EDIL3: variants seen among roughly 807,000 people sequenced by gnomAD.
The protein encoded by EDIL3 is EGF like and discoidin domains 3.
EDIL3 carries 37 observed loss-of-function variants against 67.4 expected under a neutral mutation model. The observed-to-expected ratio is 0.55, with a 90% confidence interval of 0.42 to 0.72. EDIL3 has a LOEUF of 0.72. Among genes scored for constraint, EDIL3 ranks in the 30% least tolerant of loss-of-function variants. The pLI, the probability that EDIL3 is intolerant of heterozygous loss-of-function variation, is 0.00. For missense variants in EDIL3, 527 were observed against 586.3 expected (o/e 0.90, Z 1.04); for synonymous variants, 195 against 196.3 (o/e 0.99, Z 0.05).
chr5:84,069,222 T>C (rs1746693105), intron 6 of EDIL3, among the ~76,000 whole-genome samples: 1 of 152,158 alleles, frequency 6.6e-6, no homozygotes, highest in Non-Finnish European at 1.5e-5. Context: ...TGTGTATCCT[T>C]AAAAAGCAGA....
At chr5:84,132,549 T>G (rs1392588628) in intron 5 of EDIL3, among the ~76,000 whole-genome samples, 1 of 110,326 alleles carries the variant, frequency 9.1e-6, no homozygotes, top group African/African-American at 3.5e-5. Context: ...ATATATAATA[T>G]ATATTTTATA....
intron 2 of EDIL3, among the ~76,000 whole-genome samples, chr5:84,237,710 G>C (rs1413409867): frequency 6.6e-6 from 1 of 152,030 alleles, no homozygotes; most frequent in Non-Finnish European, 1.5e-5. Flanking sequence ...TTTGCTTTTT[G>C]TAAGAAAGAT....
chr5:84,230,763 A>ATGTG (rs59552122), intron 2 of EDIL3, among the ~76,000 whole-genome samples: 3,453 of 137,200 alleles, frequency 0.025, 98 homozygotes, highest in African/African-American at 0.062. Flanking sequence ...CCACTACGTG[A>ATGTG]TGTGTGTGTG....
chr5:84,296,953 C>T (rs777248071), intron 1 of EDIL3, among the ~76,000 whole-genome samples: 10 of 152,034 alleles, frequency 6.6e-5, no homozygotes, highest in Admixed American at 2.0e-4. Flanking sequence ...GAGGCTGAGA[C>T]GGGCGGATCA....
chr5:84,205,494 G>C (rs1236056672), intron 3 of EDIL3, among the ~76,000 whole-genome samples: 1 of 152,174 alleles, frequency 6.6e-6, no homozygotes, highest in East Asian at 1.9e-4. Context: ...TAAGTGAGCT[G>C]TGTCCACTTG....
chr5:84,249,385 AT>A (rs1744975943), intron 2 of EDIL3, among the ~76,000 whole-genome samples: 1 of 91,194 alleles, frequency 1.1e-5, no homozygotes, highest in African/African-American at 4.3e-5. Context: ...CTTTCTATCT[AT>A]CTATCTATCT....
rs115912397 is a variant in EDIL3 at position 84,191,384 on chromosome 5, A to G, written c.227-10863T>C. On this transcript the variant is annotated intron_variant, in intron 3 of 10. Coordinates refer to ENST00000296591, the MANE Select transcript of EDIL3 (RefSeq NM_005711.5). ...TTCCTGCAGGAGATGTTCCTGCTGC[A>G]CTCATATGGGAATGGCACCTACCTA... Among the ~76,000 whole-genome samples, 1,308 of 152,086 alleles carry G rather than the reference A, an allele frequency of 8.6e-3. 22 individuals are homozygous for G. The highest frequency in any genetic ancestry group is 0.03 in the African/African-American group (1,237 of 41,518).
chr5:84,187,497 G>T (rs1001746750), intron 3 of EDIL3, among the ~76,000 whole-genome samples: 1 of 151,972 alleles, frequency 6.6e-6, no homozygotes, highest in African/African-American at 2.4e-5. Flanking sequence ...CCAAAACATT[G>T]CCAGTTAGAT....
chr5:84,184,115 C>A (rs1280531670), intron 3 of EDIL3, among the ~76,000 whole-genome samples: 2 of 152,034 alleles, frequency 1.3e-5, no homozygotes, highest in African/African-American at 2.4e-5. Flanking sequence ...TCAGAAACAA[C>A]AACAACAAAA....
chr5:84,253,978 C>T, intron 2 of EDIL3, 106 bp downstream of exon 2: 1 of 1,191,796 alleles, frequency 8.4e-7, no homozygotes. Context: ...TAATTAGCAA[C>T]ATATAGCAAT....
intron 9 of EDIL3, among the ~76,000 whole-genome samples, chr5:84,025,414 C>T (rs1476847618): frequency 6.6e-6 from 1 of 152,152 alleles, no homozygotes; most frequent in African/African-American, 2.4e-5. Context: ...CCCATCACCC[C>T]CAGATAAAAC....
At chr5:84,262,761 TC>T (rs559059602) in intron 1 of EDIL3, among the ~76,000 whole-genome samples, 256 of 134,194 alleles carry the variant, frequency 1.9e-3, no homozygotes, top group African/African-American at 6.7e-3. Flanking sequence ...AACCTCCGCC[TC>T]CCAGGTCAGG....
chr5:84,020,218 T>C (rs1156481988), intron 9 of EDIL3, among the ~76,000 whole-genome samples: 1 of 152,066 alleles, frequency 6.6e-6, no homozygotes, highest in African/African-American at 2.4e-5. Flanking sequence ...AAATTCTCCC[T>C]TCATCTGAGT....
chr5:84,064,880 A>C, intron 7 of EDIL3, 36 bp from the exon 8 acceptor site: 1 of 1,581,962 alleles, frequency 6.3e-7, no homozygotes, highest in Non-Finnish European at 8.6e-7. Flanking sequence ...TCACTGCAAC[A>C]GCTTATTTAC....
chr5:83,974,121 C>T (rs1028498017), intron 9 of EDIL3, among the ~76,000 whole-genome samples: 1 of 151,776 alleles, frequency 6.6e-6, no homozygotes, highest in Non-Finnish European at 1.5e-5. Flanking sequence ...AGCCTGAATT[C>T]TAGATTTTTT....
At chr5:84,356,202 C>T (rs1170484360) in intron 1 of EDIL3, among the ~76,000 whole-genome samples, 1 of 152,162 alleles carries the variant, frequency 6.6e-6, no homozygotes. Context: ...AATTGTGATT[C>T]AGTTCACCAC....
chr5:84,227,774 C>A (rs1744483950), intron 3 of EDIL3, among the ~76,000 whole-genome samples: 1 of 152,014 alleles, frequency 6.6e-6, no homozygotes, highest in South Asian at 2.1e-4. Flanking sequence ...TGCCTCTTAG[C>A]AACATGGATG....
intron 1 of EDIL3, among the ~76,000 whole-genome samples, chr5:84,354,673 C>T (rs1408710740): frequency 6.8e-6 from 1 of 147,236 alleles, no homozygotes; most frequent in Non-Finnish European, 1.5e-5. Context: ...AAAAAAAGCA[C>T]TAAAAAATAA....
chr5:84,080,256 G>A (rs1163827978), intron 6 of EDIL3, among the ~76,000 whole-genome samples: 2 of 128,084 alleles, frequency 1.6e-5, no homozygotes, highest in Non-Finnish European at 3.1e-5. Flanking sequence ...AGATCGCGCT[G>A]CCACTACACT....
Sources: allele counts gnomAD v4.1 joint callset (sites outside exome capture counted in the v4.1 genomes callset), GRCh38; gene constraint gnomAD v4.1.1; transcripts MANE v1.5; gene names NCBI Gene and HGNC (gene_info 2026-07-23, HGNC 2026-07-21).